The following TMEM260 variants were observed in gnomAD, a reference collection of about 807,000 sequenced individuals.
TMEM260 encodes the protein protein O-mannosyl-transferase TMEM260.
In TMEM260, 82 loss-of-function variants were observed where a neutral mutation model predicts 88.9. That is an observed-to-expected ratio of 0.92 (90% confidence interval 0.77 to 1.11). The LOEUF is 1.11. Among genes scored for constraint, TMEM260 ranks in the 50% least tolerant of loss-of-function variants. The pLI, the probability that TMEM260 is intolerant of heterozygous loss-of-function variation, is 0.00. For missense variants in TMEM260, 902 were observed against 853.4 expected (o/e 1.06, Z -0.71); for synonymous variants, 314 against 309.3 (o/e 1.02, Z -0.16).
chr14:56,585,633 T>G, intron 2 of TMEM260, 128 bp from the exon 3 acceptor site: 2 of 843,078 alleles, frequency 2.4e-6, no homozygotes, highest in Non-Finnish European at 3.7e-6. Context: ...AAACCACTAT[T>G]CAAACATTTA....
At chr14:56,646,534 TA>T (rs933194624) in intron 15 of TMEM260, among the ~76,000 whole-genome samples, 3 of 152,248 alleles carry the variant, frequency 2.0e-5, no homozygotes, top group East Asian at 1.9e-4. Flanking sequence ...AAACTCAGTA[TA>T]AAAAAAATTT....
At chr14:56,621,791 G>T in intron 11 of TMEM260, 89 bp downstream of exon 11, 1 of 1,141,656 alleles carries the variant, frequency 8.8e-7, no homozygotes, top group Non-Finnish European at 1.2e-6. Flanking sequence ...TGGTGGACGG[G>T]TACAGTTTTC....
Position 56,621,514 on chromosome 14 carries a change from T to C in TMEM260, c.1227-17T>C. On this transcript the variant is annotated splice_polypyrimidine_tract_variant and intron_variant, in intron 10 of 15. Coordinates refer to ENST00000261556, the MANE Select transcript of TMEM260 (RefSeq NM_017799.4). The stretch of plus-strand genomic sequence containing the variant: ...CAAAGTGTTGCTATTTTAATTTTTT[T>C]GGATCCTTTTATTTAGTGTTTGTGA... 6.3e-7 allele frequency: 1 copy of C among 1,578,084 alleles called. No individual in the cohort carries two copies. The highest frequency in any genetic ancestry group is 8.6e-7 in the Non-Finnish European group (1 of 1,163,228).
chr14:56,585,999 TTTG>T (rs1885477276), intron 3 of TMEM260, 87 bp downstream of exon 3: 1 of 1,399,946 alleles, frequency 7.1e-7, no homozygotes, highest in African/African-American at 1.4e-5. Flanking sequence ...AAAAAAATCT[TTTG>T]TTGCTTGGTT....
chr14:56,586,961 T>G (rs183468486), intron 3 of TMEM260, among the ~76,000 whole-genome samples: 3 of 151,932 alleles, frequency 2.0e-5, no homozygotes, highest in Admixed American at 2.0e-4. Flanking sequence ...GTTATTTTAG[T>G]CTTTATGAAA....
chr14:56,586,781 T>C (rs1179933217), intron 3 of TMEM260, among the ~76,000 whole-genome samples: 1 of 152,044 alleles, frequency 6.6e-6, no homozygotes, highest in East Asian at 1.9e-4. Flanking sequence ...GTCAAAGTCA[T>C]AATACTGCCC....
chr14:56,641,942 A>C (rs1889625917), intron 15 of TMEM260, among the ~76,000 whole-genome samples: 1 of 152,264 alleles, frequency 6.6e-6, no homozygotes, highest in African/African-American at 2.4e-5. Context: ...TAAAGGGATC[A>C]ATTCAACAAG....
rs147427089 is a variant in TMEM260, at chr14:56,617,718, A to G, written c.1056+421A>G. ...CCGTATTTCTGTTTTCTTTGGCAGC[A>G]GTCTCTGAGATTAGAGTATTTCTTC... On this transcript the variant is annotated intron_variant, in intron 9 of 15. Transcript: ENST00000261556. 6.0e-3 allele frequency among the ~76,000 whole-genome samples: 920 copies of G among 152,274 alleles called. 9 individuals are homozygous for G. Among genetic ancestry groups the G allele is most frequent in the African/African-American group, 0.021 (884 of 41,538 alleles).
chr14:56,637,423 C>T (rs12892678), intron 15 of TMEM260, among the ~76,000 whole-genome samples: 48,995 of 152,086 alleles, frequency 0.32, 9,594 homozygotes, highest in East Asian at 0.5. Context: ...GACACAGCCA[C>T]GCTGAAGGTC....
chr14:56,633,364 G>A (rs1278586056), intron 13 of TMEM260, 193 bp downstream of exon 13: 1 of 461,394 alleles, frequency 2.2e-6, no homozygotes, highest in Non-Finnish European at 3.8e-6. Context: ...ACAGAACAAT[G>A]GGGAGAGAGG....
chr14:56,651,421 C>CA (rs1048023898), downstream of TMEM260, among the ~76,000 whole-genome samples: 9 of 151,280 alleles, frequency 5.9e-5, no homozygotes, highest in Non-Finnish European at 1.0e-4. Flanking sequence ...TATTGGAAAA[C>CA]AAAAAAAAGG....
intron 6 of TMEM260, among the ~76,000 whole-genome samples, chr14:56,610,242 T>C (rs916689354): frequency 3.3e-5 from 5 of 151,958 alleles, no homozygotes; most frequent in African/African-American, 1.2e-4. Flanking sequence ...TTTTTTTTTA[T>C]TTTGCTTTGT....
chr14:56,596,908 T>G (rs1390742870), intron 3 of TMEM260, among the ~76,000 whole-genome samples: 4 of 151,942 alleles, frequency 2.6e-5, no homozygotes, highest in African/African-American at 9.7e-5. Flanking sequence ...TTTAAGTTCT[T>G]AAAATCTGGT....
intron 12 of TMEM260, among the ~76,000 whole-genome samples, chr14:56,630,420 C>T (rs907739674): frequency 6.6e-6 from 1 of 151,920 alleles, no homozygotes; most frequent in Non-Finnish European, 1.5e-5. Context: ...CCACAGATGC[C>T]TGAACTCTTT....
intron 15 of TMEM260, among the ~76,000 whole-genome samples, chr14:56,642,944 G>A (rs58446877): frequency 0.022 from 3,358 of 152,078 alleles, 121 homozygotes; most frequent in African/African-American, 0.07. Context: ...AGACATACAC[G>A]CTCCCAAGAC....
chr14:56,621,846 G>T, intron 11 of TMEM260, 144 bp downstream of exon 11: 1 of 594,228 alleles, frequency 1.7e-6, no homozygotes, highest in East Asian at 3.1e-5. Flanking sequence ...TACATGTTAG[G>T]TAGAATATAT....
intron 11 of TMEM260, among the ~76,000 whole-genome samples, chr14:56,624,284 T>G (rs1209765341): frequency 2.0e-5 from 3 of 152,158 alleles, no homozygotes; most frequent in Admixed American, 6.5e-5. Context: ...AAACATGATT[T>G]GAGAACTGGC....
intron 15 of TMEM260, among the ~76,000 whole-genome samples, chr14:56,644,898 C>T (rs1174628908): frequency 1.3e-5 from 2 of 152,186 alleles, no homozygotes; most frequent in African/African-American, 2.4e-5. Context: ...AAAAGATGCT[C>T]ATCATCACTG....
the TMEM260 span, among the ~76,000 whole-genome samples, chr14:56,662,113 T>C: frequency 6.6e-6 from 1 of 152,348 alleles, no homozygotes; most frequent in African/African-American, 2.4e-5. Flanking sequence ...AGAGCCATGA[T>C]TTGGCTTCTA....
Sources: gnomAD v4.1 joint callset for allele counts (sites outside exome capture counted in the v4.1 genomes callset) on GRCh38, gnomAD v4.1.1 for gene constraint, MANE v1.5 for transcripts, NCBI Gene and HGNC (gene_info 2026-07-23, HGNC 2026-07-21) for gene names.